IQSEC1: variants seen among roughly 807,000 people sequenced by gnomAD.
IQSEC1 encodes the protein IQ motif and Sec7 domain ArfGEF 1, also known as IQ motif and SEC7 domain-containing protein 1.
Under a neutral mutation model 91.0 loss-of-function variants are expected in IQSEC1, and 31 were observed. The observed-to-expected ratio is 0.34, with a 90% CI of 0.26 to 0.46. The LOEUF (loss-of-function observed/expected upper bound fraction) is 0.46, where lower values mean the gene tolerates loss of function less well. IQSEC1 is among the 20% of genes least tolerant of loss of function. IQSEC1 has a pLI of 1.00. For synonymous variants in IQSEC1, 699 were observed against 662.6 expected (o/e 1.05, Z -0.84); for missense variants, 1,388 against 1,575.6 (o/e 0.88, Z 2.02).
At chr3:13,119,879 C>T (rs372989130) in intron 2 of IQSEC1, among the ~76,000 whole-genome samples, 4 of 152,154 alleles carry the variant, frequency 2.6e-5, no homozygotes, top group Admixed American at 2.6e-4. Flanking sequence ...ACAGCCCTCT[C>T]GGTGAGAATG....
At chr3:13,030,767 C>A (rs1451375011) in intron 1 of IQSEC1, among the ~76,000 whole-genome samples, 1 of 152,188 alleles carries the variant, frequency 6.6e-6, no homozygotes, top group Non-Finnish European at 1.5e-5. Context: ...TTTTGGAGAC[C>A]CTTTGGGAGA....
intron 2 of IQSEC1, among the ~76,000 whole-genome samples, chr3:13,135,862 G>C (rs747516419): frequency 2.0e-5 from 3 of 152,212 alleles, no homozygotes; most frequent in Non-Finnish European, 4.4e-5. Flanking sequence ...CCAGCCCCAG[G>C]AGCCAGGTCT....
Position 12,936,613 on chromosome 3 carries a change from G to A in IQSEC1, c.403C>T (p.Gln135Ter). 1 of 1,612,776 alleles carries A rather than the reference G, an allele frequency of 6.2e-7. No homozygotes were observed. The highest frequency in any genetic ancestry group is 8.5e-7 in the Non-Finnish European group (1 of 1,179,858). ...RTIQTAFRQY[Q>*]MNKNFERLRS... The stretch of plus-strand genomic sequence containing the variant: ...AAGCGCTCGAAGTTCTTGTTCATCT[G>A]GTACTGGCGAAACGCCGTCTGGATG... Residue 135 changes from glutamine to a stop codon, truncating the protein, a stop_gained, in exon 3 of 14, where the codon CAG becomes TAG. Transcript: ENST00000613206. LOFTEE classifies it high-confidence loss of function.
chr3:12,990,186 C>T lies in IQSEC1; in HGVS notation c.24-48321G>A, dbSNP rs184597049. 1.2e-3 allele frequency among the ~76,000 whole-genome samples: 189 copies of T among 152,326 alleles called. 1 individual carries two copies. The highest frequency in any genetic ancestry group is 4.4e-3 in the African/African-American group (181 of 41,572). ...AGCTTTCCACCAAGTCCTTGGATCACTGAAAAAATAAATCATTGGCTGTGG... is the reference window on the plus strand; with the variant it reads ...AGCTTTCCACCAAGTCCTTGGATCATTGAAAAAATAAATCATTGGCTGTGG... On this transcript the variant is annotated intron_variant, in intron 1 of 13. Coordinates refer to ENST00000613206, the MANE Select transcript of IQSEC1 (RefSeq NM_001134382.3).
chr3:13,042,617 T>C (rs532628138), intron 1 of IQSEC1, among the ~76,000 whole-genome samples: 105 of 152,336 alleles, frequency 6.9e-4, no homozygotes, highest in Non-Finnish European at 1.2e-3. Flanking sequence ...CTGTCTCTGT[T>C]AGCTGGTGCC....
chr3:13,066,196 T>C (rs1265012236), intron 1 of IQSEC1, among the ~76,000 whole-genome samples: 4 of 152,128 alleles, frequency 2.6e-5, no homozygotes, highest in Non-Finnish European at 5.9e-5. Flanking sequence ...GCCGCTGAAA[T>C]GTGTGTAATT....
intron 1 of IQSEC1, among the ~76,000 whole-genome samples, chr3:13,226,632 G>GT (rs1345251155): frequency 6.6e-6 from 1 of 151,600 alleles, no homozygotes; most frequent in Admixed American, 6.6e-5. Context: ...CATCAACCCA[G>GT]TAAGTGGGCA....
intron 1 of IQSEC1, among the ~76,000 whole-genome samples, chr3:12,976,595 C>A (rs775871070): frequency 3.3e-5 from 5 of 152,210 alleles, no homozygotes; most frequent in Non-Finnish European, 5.9e-5. Context: ...TTCCTCGGGA[C>A]CTTCCTGAAC....
intron 1 of IQSEC1, among the ~76,000 whole-genome samples, chr3:12,977,712 T>C (rs879541016): frequency 4.6e-5 from 7 of 152,196 alleles, no homozygotes; most frequent in Non-Finnish European, 1.0e-4. Flanking sequence ...TAATAAGTGC[T>C]GGGTTCACCT....
chr3:12,922,133 T>G lies in IQSEC1; in HGVS notation c.1840A>C (p.Ile614Leu). The change falls in exon 5 of 14, where the codon ATA (isoleucine) becomes CTA (leucine). Residue 614 changes from isoleucine (I) to leucine (L), a missense_variant. Transcript: ENST00000613206. The surrounding 1 kb of genome is among the most constrained non-coding windows in gnomAD (Gnocchi z 5.1). ...CCCGGGCCCCACCTGAACGCCTCTA[T>G]GAGCCGCTCCACTTTCTGAGCCTCC... ...QGEAQKVERL[I>L]EAFSQRYCIC... 5 of 1,607,432 alleles carry G rather than the reference T, an allele frequency of 3.1e-6. No homozygotes were observed. The highest frequency in any genetic ancestry group is 4.3e-6 in the Non-Finnish European group (5 of 1,175,532).
At chr3:13,158,618 C>A (rs758695871) in intron 2 of IQSEC1, among the ~76,000 whole-genome samples, 3 of 152,116 alleles carry the variant, frequency 2.0e-5, no homozygotes, top group Non-Finnish European at 4.4e-5. Flanking sequence ...TTGGAAAATG[C>A]CAGTCAACGT....
chr3:12,999,405 C>T (rs1702338695), intron 1 of IQSEC1, among the ~76,000 whole-genome samples: 1 of 152,176 alleles, frequency 6.6e-6, no homozygotes, highest in Non-Finnish European at 1.5e-5. Flanking sequence ...GTGTGCTGTT[C>T]CTTCTTCATT....
intron 1 of IQSEC1, among the ~76,000 whole-genome samples, chr3:13,061,923 C>T (rs78761511): frequency 0.012 from 1,902 of 152,300 alleles, 43 homozygotes; most frequent in African/African-American, 0.044. Flanking sequence ...GCACATGGCT[C>T]CTCTTGGGGA....
chr3:13,086,406 C>T (rs1172563163), intron 2 of IQSEC1, among the ~76,000 whole-genome samples: 4 of 152,146 alleles, frequency 2.6e-5, no homozygotes, highest in African/African-American at 4.8e-5. Context: ...GCTGGTTCAG[C>T]GCTGGGAGAT....
rs146788678 is a variant in IQSEC1, at chr3:12,929,319, C to T, written c.1569-4577G>A. 3.9e-5 allele frequency among the ~76,000 whole-genome samples: 6 copies of T among 152,332 alleles called. No individual in the cohort carries two copies. The East Asian group carries it at 7.7e-4, about 20-fold the overall frequency. On this transcript the variant is annotated intron_variant, in intron 3 of 13. Transcript: ENST00000613206. ...AGGAGAGGCCTGGGCTAGAAGAACT[C>T]ACCCGGGGTGATGCCACAGAAAGCT...
chr3:12,990,127 T>C (rs1701921726), intron 1 of IQSEC1, among the ~76,000 whole-genome samples: 1 of 152,250 alleles, frequency 6.6e-6, no homozygotes, highest in Non-Finnish European at 1.5e-5. Context: ...TTGGCACTTT[T>C]AGGATTGTTA....
chr3:13,205,868 C>A (rs539814375), intron 1 of IQSEC1, among the ~76,000 whole-genome samples: 3 of 150,710 alleles, frequency 2.0e-5, no homozygotes, highest in African/African-American at 7.3e-5. Flanking sequence ...ATCCCTTCAT[C>A]CACTCATCGA....
chr3:13,236,829 T>C (rs764133415), intron 1 of IQSEC1, among the ~76,000 whole-genome samples: 4 of 152,222 alleles, frequency 2.6e-5, no homozygotes, highest in Non-Finnish European at 4.4e-5. Flanking sequence ...GGTCACCCCA[T>C]GCAGCTGATG....
Position 12,979,534 on chromosome 3 carries a change from A to G in IQSEC1, c.24-37669T>C, listed in dbSNP as rs1279792055. 1.3e-5 allele frequency among the ~76,000 whole-genome samples: 2 copies of G among 152,248 alleles called. No homozygotes were observed. Among genetic ancestry groups the G allele is most frequent in the East Asian group, 3.8e-4 (2 of 5,206 alleles). On this transcript the variant is annotated intron_variant, in intron 1 of 13. Transcript: ENST00000613206. The surrounding 1 kb of genome is among the most constrained non-coding windows in gnomAD (Gnocchi z 4.3). ...CACACACTCTAAGATGTCCCTGGACAGCGGTTGTCTCTGGGGAGGGGAATG... is the reference window on the plus strand; with the variant it reads ...CACACACTCTAAGATGTCCCTGGACGGCGGTTGTCTCTGGGGAGGGGAATG...
Sources: gnomAD v4.1 joint callset for allele counts (sites outside exome capture counted in the v4.1 genomes callset) on GRCh38, gnomAD v4.1.1 for gene constraint, Gnocchi (gnomAD v3.1) non-coding constraint, MANE v1.5 for transcripts, NCBI Gene and HGNC (gene_info 2026-07-23, HGNC 2026-07-21) for gene names.